Variants in MDM4 observed in about 807,000 individuals in gnomAD.
MDM4 encodes the protein MDM4 regulator of p53, also known as protein Mdm4.
Under a neutral mutation model 60.2 loss-of-function variants are expected in MDM4, and 2 were observed. The observed-to-expected ratio is 0.03, with a 90% CI of 0.01 to 0.10. The LOEUF (loss-of-function observed/expected upper bound fraction) is 0.10. MDM4 is among the 10% of genes least tolerant of loss of function. The pLI is 1.00. For missense variants in MDM4, 447 were observed against 577.5 expected (o/e 0.77, Z 2.32); for synonymous variants, 202 against 198.1 (o/e 1.02, Z -0.17).
chr1:204,532,757 TA>T, intron 5 of MDM4: 1 of 1,609,872 alleles, frequency 6.2e-7, no homozygotes, highest in East Asian at 2.2e-5. Flanking sequence ...TCATGTCATT[TA>T]CGTGTTGAAG....
In MDM4 at chr1:204,533,450, G is replaced by T. The variant is rs1039208482; in HGVS notation, c.343+1204G>T. Among the ~76,000 whole-genome samples, 4 of 152,208 alleles carry T rather than the reference G, an allele frequency of 2.6e-5. No individual in the cohort carries two copies. The South Asian group carries it at 8.3e-4, about 32-fold the overall frequency. On this transcript the variant is annotated intron_variant, in intron 5 of 10. Transcript: ENST00000367182. ...CAGCTCACTGCAGCCTGGACCTCTC[G>T]GGCTCAGGTGATTCTCCCACCTCAG...
intron 3 of MDM4, chr1:204,529,282 AC>A: frequency 1.3e-6 from 1 of 743,904 alleles, no homozygotes; most frequent in Non-Finnish European, 2.5e-6. Context: ...AGCCTGCTTC[AC>A]CTCCTTCATG....
intron 3 of MDM4, chr1:204,529,255 C>A: frequency 1.4e-6 from 1 of 728,884 alleles, no homozygotes; most frequent in East Asian, 2.5e-5. Context: ...GAACAAGGAC[C>A]AGTTGCAGTT....
At chr1:204,522,331 C>T (rs1659643863) in intron 1 of MDM4, among the ~76,000 whole-genome samples, 2 of 151,560 alleles carry the variant, frequency 1.3e-5, no homozygotes, top group Non-Finnish European at 2.9e-5. Flanking sequence ...CTCCATCACA[C>T]ACACACAAAA....
chr1:204,532,192 C>T lies in MDM4; in HGVS notation c.289C>T (p.Pro97Ser). The T allele has an allele frequency of 6.3e-7, 1 of 1,588,806 alleles. No homozygotes were observed. Among genetic ancestry groups the T allele is most frequent in the African/African-American group, 1.3e-5 (1 of 74,456 alleles). ...RQSFSVKDPS[P>S]LYDMLRKNLV... ...TTTTTTATCTTCTCTCTTTAACAGC[C>T]CTCTCTATGATATGCTAAGAAAGAA... Residue 97 changes from proline to serine, a missense_variant and splice_region_variant, in exon 5 of 11, where the codon CCT (proline) becomes TCT (serine). Transcript: ENST00000367182.
rs1039522547 is a variant in MDM4, at chr1:204,552,800, G to A, written c.*3118G>A. 2 of 182,652 alleles carry A rather than the reference G, an allele frequency of 1.1e-5. No individual in the cohort carries two copies. The highest frequency in any genetic ancestry group is 1.8e-4 in the East Asian group (2 of 11,298). The allele number at this position is 182,652 out of a possible 1,614,324, so 11.3% of individuals were successfully genotyped here. On this transcript the variant is annotated 3_prime_UTR_variant, in exon 11 of 11. Transcript: ENST00000367182. ...TTCTGTTAGCACTAAGTACTTAGAC[G>A]ATCCTAAGATATGTGCTTGAGCCGA...
intron 5 of MDM4, among the ~76,000 whole-genome samples, chr1:204,535,990 G>T (rs1419369041): frequency 6.6e-6 from 1 of 152,006 alleles, no homozygotes; most frequent in Non-Finnish European, 1.5e-5. Context: ...TGGCCTGTGC[G>T]GTGGCTCATG....
chr1:204,548,104 A>G (rs907768497), intron 10 of MDM4, among the ~76,000 whole-genome samples: 1 of 152,238 alleles, frequency 6.6e-6, no homozygotes, highest in Admixed American at 6.5e-5. Flanking sequence ...CATCATATCA[A>G]AGATGCCATT....
intron 5 of MDM4, among the ~76,000 whole-genome samples, chr1:204,533,226 T>C (rs970091578): frequency 6.6e-6 from 1 of 152,194 alleles, no homozygotes; most frequent in Non-Finnish European, 1.5e-5. Context: ...CTGTAAGAGA[T>C]AGGTAAATAA....
chr1:204,544,832 A>G lies in MDM4; in HGVS notation c.822+148A>G, dbSNP rs4252727. On this transcript the variant is annotated intron_variant, in intron 9 of 10. Coordinates refer to ENST00000367182, the MANE Select transcript of MDM4 (RefSeq NM_002393.5). ...ATTTTTCAATCCAATTTTAAGATTC[A>G]CATTAAGTAATGTTAACCAGGGCTG... is the stretch of plus-strand genomic sequence containing the variant. The G allele has an allele frequency of 1.7e-3, 1,380 of 817,384 alleles. 20 individuals carry two copies. In the East Asian group the frequency reaches 0.03, roughly 18 times the overall value. 50.6% of individuals were successfully genotyped at this position (817,384 alleles called of 1,614,324 possible). A position where few individuals can be genotyped will look rare whatever the true frequency, so the allele number is the denominator to read the frequency against.
chr1:204,526,228 C>A, intron 2 of MDM4, 132 bp from the exon 3 acceptor site: 1 of 697,066 alleles, frequency 1.4e-6, no homozygotes, highest in Non-Finnish European at 2.5e-6. Context: ...TGCACTCCAG[C>A]CAAGGCGACA....
chr1:204,535,449 A>G lies in MDM4; in HGVS notation c.344-1981A>G, dbSNP rs141661292. On this transcript the variant is annotated intron_variant, in intron 5 of 10. Coordinates refer to ENST00000367182, the MANE Select transcript of MDM4 (RefSeq NM_002393.5). ...TGGGATTACAGGCGTGAGCCACTGC[A>G]CCCAGCCTAAAATGGTAGTTCTTTC... is the stretch of plus-strand genomic sequence containing the variant. 5.1e-3 allele frequency among the ~76,000 whole-genome samples: 772 copies of G among 152,218 alleles called. 5 individuals are homozygous for G. The highest frequency in any genetic ancestry group is 0.018 in the African/African-American group (728 of 41,522).
chr1:204,530,558 A>G, intron 3 of MDM4, 126 bp from the exon 4 acceptor site: 6 of 1,265,670 alleles, frequency 4.7e-6, no homozygotes, highest in Non-Finnish European at 5.5e-6. Context: ...CCTTACACAA[A>G]CTTTGACAGT....
intron 1 of MDM4, among the ~76,000 whole-genome samples, chr1:204,516,808 G>A (rs1001025986): frequency 6.6e-6 from 1 of 152,204 alleles, no homozygotes; most frequent in Non-Finnish European, 1.5e-5. Flanking sequence ...CAACATTTGA[G>A]GACTGTTGAG....
chr1:204,532,932 A>G (rs2102364890), intron 5 of MDM4: 1 of 1,206,012 alleles, frequency 8.3e-7, no homozygotes, highest in Non-Finnish European at 1.2e-6. Flanking sequence ...TTTATAGGTA[A>G]TGCTTTGTAC....
At chr1:204,521,881 TGGTTGGTAAAAA>T (rs1439060611) in intron 1 of MDM4, among the ~76,000 whole-genome samples, 2 of 152,162 alleles carry the variant, frequency 1.3e-5, no homozygotes, top group Non-Finnish European at 2.9e-5. Context: ...TGTAGTGTTT[TGGTTGGTAAAAA>T]GGTTGGTAGG....
intron 1 of MDM4, among the ~76,000 whole-genome samples, chr1:204,522,517 C>T (rs566631871): frequency 1.3e-5 from 2 of 151,992 alleles, no homozygotes; most frequent in East Asian, 3.9e-4. Flanking sequence ...CCTGTCTCAG[C>T]CTCCCGAGTA....
At chr1:204,527,192 A>G (rs1256233737) in intron 3 of MDM4, among the ~76,000 whole-genome samples, 1 of 151,826 alleles carries the variant, frequency 6.6e-6, no homozygotes, top group Non-Finnish European at 1.5e-5. Context: ...TAGTCCCAGC[A>G]GCTACATGGG....
chr1:204,554,054 T>C lies in MDM4; in HGVS notation c.*4372T>C, dbSNP rs12404403. The C allele has an allele frequency of 6.6e-5, 15 of 227,656 alleles. No homozygotes were observed. The Admixed American group carries it at 8.5e-4, about 13-fold the overall frequency. The allele number at this position is 227,656 out of a possible 1,614,324, so 14.1% of individuals were successfully genotyped here. ...GTATGTAGTGCATTGTGTGGTATTA[T>C]TTGGTTTGTAAGAATTTATTTTTAA... On this transcript the variant is annotated 3_prime_UTR_variant, in exon 11 of 11. Coordinates refer to ENST00000367182, the MANE Select transcript of MDM4 (RefSeq NM_002393.5).
Sources: gnomAD v4.1 joint callset for allele counts (sites outside exome capture counted in the v4.1 genomes callset) on GRCh38, gnomAD v4.1.1 for gene constraint, MANE v1.5 for transcripts, NCBI Gene and HGNC (gene_info 2026-07-23, HGNC 2026-07-21) for gene names.